The following ESR1 variants were observed in gnomAD, a reference collection of about 807,000 sequenced individuals.
The protein encoded by ESR1 is estrogen receptor 1.
ESR1 carries 12 observed loss-of-function variants against 52.7 expected under a neutral mutation model. The ratio of observed to expected loss-of-function variants is 0.23; its 90% CI spans 0.15 to 0.37. The LOEUF (loss-of-function observed/expected upper bound fraction) is 0.37. Among genes scored for constraint, ESR1 ranks in the 10% least tolerant of loss-of-function variants. ESR1 has a pLI of 1.00. For synonymous variants in ESR1, 305 were observed against 316.8 expected (o/e 0.96, Z 0.39); for missense variants, 584 against 779.7 (o/e 0.75, Z 2.99).
chr6:152,070,889 A>G lies in ESR1; in HGVS notation c.1369+9765A>G, dbSNP rs1195445734. Among the ~76,000 whole-genome samples the G allele has an allele frequency of 1.4e-5, 2 of 139,096 alleles. 1 individual carries two copies. The highest frequency in any genetic ancestry group is 3.0e-5 in the Non-Finnish European group (2 of 67,010). 91.3% of individuals were successfully genotyped at this position (139,096 alleles called of 152,430 possible). On this transcript the variant is annotated intron_variant, in intron 6 of 7. Transcript: ENST00000206249. ...TTTTAGGTTGCATTTTTCTTCTGGC[A>G]TATAAGAAAGACAGCAATATTCCAT...
chr6:151,705,332 C>T (rs1780105708), intron 2 of ESR1, among the ~76,000 whole-genome samples: 1 of 152,026 alleles, frequency 6.6e-6, no homozygotes, highest in African/African-American at 2.4e-5. Context: ...ATCCTTTGAC[C>T]AGTATAATAG....
chr6:151,812,707 T>C (rs1378967530), intron 1 of ESR1, among the ~76,000 whole-genome samples: 1 of 152,130 alleles, frequency 6.6e-6, no homozygotes, highest in Non-Finnish European at 1.5e-5. Context: ...CAACTTTGAA[T>C]GGAGAGGAGC....
At chr6:151,806,753 G>A (rs1398636944), upstream of ESR1, among the ~76,000 whole-genome samples, 2 of 151,854 alleles carry the variant, frequency 1.3e-5, no homozygotes, top group African/African-American at 4.8e-5. Context: ...GGACCAGACC[G>A]ACAATGTAAC....
intron 4 of ESR1, among the ~76,000 whole-genome samples, chr6:151,997,091 A>AC (rs1303932450): frequency 6.6e-6 from 1 of 151,886 alleles, no homozygotes; most frequent in African/African-American, 2.4e-5. Flanking sequence ...CAAAAAAAAA[A>AC]CAAAGCAACA....
At chr6:152,035,987 C>T (rs1199933113) in intron 5 of ESR1, among the ~76,000 whole-genome samples, 4 of 152,158 alleles carry the variant, frequency 2.6e-5, no homozygotes, top group East Asian at 1.9e-4. Flanking sequence ...ATCTCAGGGT[C>T]GGGAATTAGG....
intron 4 of ESR1, among the ~76,000 whole-genome samples, chr6:151,974,124 C>T (rs747416013): frequency 6.6e-6 from 1 of 152,112 alleles, no homozygotes; most frequent in Non-Finnish European, 1.5e-5. Flanking sequence ...AAAACAAAAA[C>T]AAAATGTGCT....
chr6:152,057,694 TAC>T (rs10560254), intron 5 of ESR1, among the ~76,000 whole-genome samples: 8,101 of 145,456 alleles, frequency 0.056, 300 homozygotes, highest in South Asian at 0.16. Context: ...TACACATGCA[TAC>T]ACACACACAC....
intron 6 of ESR1, among the ~76,000 whole-genome samples, chr6:152,119,672 T>C (rs770441973): frequency 6.6e-6 from 1 of 152,204 alleles, no homozygotes; most frequent in African/African-American, 2.4e-5. Flanking sequence ...ACTGCAGAAA[T>C]GGAAGCTTCT....
intron 6 of ESR1, chr6:152,122,285 T>C (rs2051570567): frequency 8.2e-7 from 1 of 1,215,408 alleles, no homozygotes; most frequent in Non-Finnish European, 1.2e-6. Flanking sequence ...TCTGAAGCCA[T>C]AATTTGCACA....
At position 152,057,562 on chromosome 6, in the gene ESR1, G is replaced by A. The variant is rs545911570; in HGVS notation, c.1236-3429G>A. On this transcript the variant is annotated intron_variant, in intron 5 of 7. Coordinates refer to ENST00000206249, the MANE Select transcript of ESR1 (RefSeq NM_000125.4). ...CCCCAGAAGCCCTCAAAGTTCAGAT[G>A]TACACCACAAAAACATGAAGCACAT... 2.1e-3 allele frequency among the ~76,000 whole-genome samples: 318 copies of A among 152,202 alleles called. 2 individuals carry two copies. The highest frequency in any genetic ancestry group is 3.4e-3 in the Middle Eastern group (1 of 294).
At chr6:151,800,644 C>T (rs889180734), upstream of ESR1, among the ~76,000 whole-genome samples, 1 of 152,144 alleles carries the variant, frequency 6.6e-6, no homozygotes. Context: ...GAAAATAAAT[C>T]GCTGTTGTTT....
At chr6:152,046,086 G>A (rs991474678) in intron 5 of ESR1, among the ~76,000 whole-genome samples, 1 of 152,154 alleles carries the variant, frequency 6.6e-6, no homozygotes, top group Non-Finnish European at 1.5e-5. Context: ...TGGGTCTTGG[G>A]ACACCCTTCC....
intron 4 of ESR1, among the ~76,000 whole-genome samples, chr6:152,003,182 G>C (rs1374734256): frequency 3.3e-5 from 5 of 151,716 alleles, no homozygotes; most frequent in African/African-American, 9.7e-5. Flanking sequence ...TTATTTTTTT[G>C]TGATCCCCAA....
chr6:152,101,655 A>C lies in ESR1; in HGVS notation c.*2689A>C, dbSNP rs935206924. The C allele has an allele frequency of 4.3e-6, 1 of 231,322 alleles. No individual in the cohort carries two copies. The highest frequency in any genetic ancestry group is 8.6e-6 in the Non-Finnish European group (1 of 116,918). The allele number at this position is 231,322 out of a possible 1,614,324, so 14.3% of individuals were successfully genotyped here. ...TGGGTGTAGGAACATGATTTAAAAA[A>C]AAACTCTTGCCTCTGCTTTCCCCCA... On this transcript the variant is annotated 3_prime_UTR_variant, in exon 8 of 8. Coordinates refer to ENST00000206249, the MANE Select transcript of ESR1 (RefSeq NM_000125.4).
intron 2 of ESR1, among the ~76,000 whole-genome samples, chr6:151,721,009 G>T (rs1430905191): frequency 6.6e-6 from 1 of 152,168 alleles, no homozygotes; most frequent in Non-Finnish European, 1.5e-5. Flanking sequence ...CTCCTAGTAT[G>T]GGCTTACAGT....
chr6:151,722,371 T>C (rs941123799), intron 2 of ESR1, among the ~76,000 whole-genome samples: 1 of 152,094 alleles, frequency 6.6e-6, no homozygotes, highest in Non-Finnish European at 1.5e-5. Context: ...AAGTCCCTCA[T>C]GGAAGAAGAA....
chr6:151,778,661 C>T lies in ESR1; in HGVS notation c.-70-29182C>T, dbSNP rs550723707. 9.9e-5 allele frequency among the ~76,000 whole-genome samples: 15 copies of T among 152,206 alleles called. 1 individual carries two copies. In the South Asian group the frequency reaches 2.9e-3, roughly 30 times the overall value. Reference sequence around the variant, plus strand: ...CCTCAAGTGATCTGCCCACCTCAGCCTCCCAAAGTGCTGGGATTACAGGTG... The same window carrying T: ...CCTCAAGTGATCTGCCCACCTCAGCTTCCCAAAGTGCTGGGATTACAGGTG... On this transcript the variant is annotated intron_variant, in intron 2 of 2. Transcript: ENST00000404742.
At chr6:151,677,047 C>T (rs559146166) in intron 1 of ESR1, among the ~76,000 whole-genome samples, 1 of 152,216 alleles carries the variant, frequency 6.6e-6, no homozygotes, top group African/African-American at 2.4e-5. Context: ...ATGAGGGTCT[C>T]ACTCTGTCAT....
intron 5 of ESR1, among the ~76,000 whole-genome samples, chr6:152,031,445 G>C (rs1235318195): frequency 2.6e-5 from 4 of 152,114 alleles, no homozygotes; most frequent in Non-Finnish European, 5.9e-5. Flanking sequence ...AATAAAAAAT[G>C]ATAAAGGGGA....
Sources: allele counts gnomAD v4.1 joint callset (sites outside exome capture counted in the v4.1 genomes callset), GRCh38; gene constraint gnomAD v4.1.1; transcripts MANE v1.5; gene names NCBI Gene and HGNC (gene_info 2026-07-23, HGNC 2026-07-21).